Variants in TRIM67 observed in about 807,000 individuals in gnomAD.
The protein encoded by TRIM67 is tripartite motif-containing protein 67.
In TRIM67, 39 loss-of-function variants were observed where a neutral mutation model predicts 71.0. The observed-to-expected ratio is 0.55, with a 90% CI of 0.43 to 0.72. TRIM67 has a LOEUF of 0.72. TRIM67 is among the 30% of genes least tolerant of loss of function. The probability of loss-of-function intolerance (pLI) is 0.00; values close to 1 mark genes in which losing one functional copy is unlikely to be tolerated. For missense variants in TRIM67, 973 were observed against 1,079.2 expected (o/e 0.90, Z 1.38); for synonymous variants, 481 against 473.9 (o/e 1.01, Z -0.19).
At chr1:231,189,854 A>C (rs931244776) in intron 1 of TRIM67, among the ~76,000 whole-genome samples, 5 of 152,232 alleles carry the variant, frequency 3.3e-5, no homozygotes, top group African/African-American at 9.6e-5. Flanking sequence ...ACCATAGCAC[A>C]TGAAGTTGAA....
intron 7 of TRIM67, among the ~76,000 whole-genome samples, chr1:231,207,891 C>T (rs538741167): frequency 2.6e-5 from 4 of 152,236 alleles, no homozygotes; most frequent in Non-Finnish European, 2.9e-5. Context: ...GGGGGCACCA[C>T]CTGATGGGCT....
intron 7 of TRIM67, 119 bp downstream of exon 7, chr1:231,206,909 G>C (rs997626144): frequency 8.7e-7 from 1 of 1,155,402 alleles, no homozygotes; most frequent in African/African-American, 1.6e-5. Flanking sequence ...TGCTGGGCAC[G>C]GCTGGGTTCT....
chr1:231,185,354 T>G, intron 1 of TRIM67: 1 of 896,574 alleles, frequency 1.1e-6, no homozygotes, highest in South Asian at 1.8e-5. Flanking sequence ...GCTCTTGTTT[T>G]CCTCATCTGA....
intron 2 of TRIM67, among the ~76,000 whole-genome samples, chr1:231,198,258 C>G (rs1683422318): frequency 6.6e-6 from 1 of 152,202 alleles, no homozygotes; most frequent in African/African-American, 2.4e-5. Context: ...AATGAGGCAC[C>G]ATGTGTGCCT....
chr1:231,189,556 A>C (rs1683179228), intron 1 of TRIM67, among the ~76,000 whole-genome samples: 1 of 152,166 alleles, frequency 6.6e-6, no homozygotes, highest in Admixed American at 6.5e-5. Context: ...TACCATAGAC[A>C]GGGGGGTTGA....
At chr1:231,173,268 C>T (rs974755637) in intron 1 of TRIM67, among the ~76,000 whole-genome samples, 1 of 152,166 alleles carries the variant, frequency 6.6e-6, no homozygotes, top group Non-Finnish European at 1.5e-5. Context: ...TAGGCAGGGC[C>T]AGACACAGTG....
At chr1:231,173,068 A>G (rs1484562909) in intron 1 of TRIM67, among the ~76,000 whole-genome samples, 2 of 152,248 alleles carry the variant, frequency 1.3e-5, no homozygotes, top group South Asian at 2.1e-4. Context: ...GTCAATGAGG[A>G]CATCTTGAAT....
In TRIM67 at chr1:231,217,517, G is replaced by A. The variant is rs1460931361; in HGVS notation, c.*2077G>A. The stretch of plus-strand genomic sequence containing the variant: ...CATGGAGACGATCCCTAAAGATTGA[G>A]GATGAAGAGGAGCCACCACTTTCCT... On this transcript the variant is annotated 3_prime_UTR_variant, in exon 10 of 10. Transcript: ENST00000366653. 2.3e-5 allele frequency: 23 copies of A among 1,006,024 alleles called. No individual in the cohort carries two copies. The highest frequency in any genetic ancestry group is 2.7e-5 in the Non-Finnish European group (23 of 842,096). The allele number at this position is 1,006,024 out of a possible 1,614,324, so 62.3% of individuals were successfully genotyped here.
At chr1:231,191,451 C>T (rs1481600859) in intron 1 of TRIM67, among the ~76,000 whole-genome samples, 1 of 152,142 alleles carries the variant, frequency 6.6e-6, no homozygotes, top group Non-Finnish European at 1.5e-5. Context: ...CCGCTCTCCG[C>T]GGACTGGCAA....
chr1:231,188,162 TGG>T (rs1035457953), intron 1 of TRIM67, among the ~76,000 whole-genome samples: 8 of 152,120 alleles, frequency 5.3e-5, no homozygotes, highest in Non-Finnish European at 1.0e-4. Context: ...AAGGCAGTCT[TGG>T]TTGCTTCTGC....
chr1:231,219,416 C>A lies in TRIM67; in HGVS notation c.*3976C>A. 14 of 1,013,302 alleles carry A rather than the reference C, an allele frequency of 1.4e-5. No homozygotes were observed. Among genetic ancestry groups the A allele is most frequent in the Non-Finnish European group, 1.5e-5 (13 of 847,514 alleles). 62.8% of individuals were successfully genotyped at this position (1,013,302 alleles called of 1,614,324 possible). A position where few individuals can be genotyped will look rare whatever the true frequency, so the allele number is the denominator to read the frequency against. ...CTGTAGAGGGACTGTGGCGCTCCGG[C>A]TGCTTTGTTCCATAGAAAGCCTGTA... On this transcript the variant is annotated 3_prime_UTR_variant, in exon 10 of 10. Transcript: ENST00000366653.
In TRIM67 at chr1:231,162,960, C is replaced by A. The variant is rs779929803; in HGVS notation, c.-10C>A. 1.2e-6 allele frequency: 2 copies of A among 1,609,566 alleles called. No individual in the cohort carries two copies. The highest frequency in any genetic ancestry group is 1.7e-6 in the Non-Finnish European group (2 of 1,178,506). On this transcript the variant is annotated 5_prime_UTR_variant, in exon 1 of 10. Transcript: ENST00000366653. ...CCCAGCGCAGAGCAGCGCTGGCAGC[C>A]GGCGCCGCGATGGAGGAAGAGCTGA... is the stretch of plus-strand genomic sequence containing the variant.
intron 1 of TRIM67, among the ~76,000 whole-genome samples, chr1:231,172,656 A>G (rs1043578662): frequency 6.6e-6 from 1 of 152,256 alleles, no homozygotes; most frequent in Non-Finnish European, 1.5e-5. Flanking sequence ...CCTTAGTCAC[A>G]TGACATCTAA....
chr1:231,209,373 C>A lies in TRIM67; in HGVS notation c.2123+123C>A, dbSNP rs1683803337. On this transcript the variant is annotated intron_variant, in intron 8 of 9. Coordinates refer to ENST00000366653, the MANE Select transcript of TRIM67 (RefSeq NM_001004342.5). This position sits in a 1 kb window ranked among gnomAD's most constrained non-coding sequence, Gnocchi z 4.1. ...GGAATTGAGAGGAGGTATTTTCAGC[C>A]ACTTTGGTCTCCATTTTCTAGGAGG... 8.8e-7 allele frequency: 1 copy of A among 1,141,544 alleles called. No individual in the cohort carries two copies. The highest frequency in any genetic ancestry group is 1.2e-6 in the Non-Finnish European group (1 of 833,138). 70.7% of individuals were successfully genotyped at this position (1,141,544 alleles called of 1,614,324 possible).
chr1:231,197,994 T>C (rs1327229005), intron 2 of TRIM67, among the ~76,000 whole-genome samples: 1 of 152,156 alleles, frequency 6.6e-6, no homozygotes, highest in Admixed American at 6.5e-5. Flanking sequence ...ATTCAACTCA[T>C]TGGCACACAA....
intron 1 of TRIM67, chr1:231,185,326 A>T (rs778804896): frequency 1.2e-5 from 13 of 1,081,912 alleles, no homozygotes; most frequent in African/African-American, 3.2e-5. Context: ...AAAGGAAGGA[A>T]AGTCAGAAGG....
intron 1 of TRIM67, among the ~76,000 whole-genome samples, chr1:231,183,934 G>C (rs762797900): frequency 1.3e-4 from 20 of 152,102 alleles, no homozygotes; most frequent in Non-Finnish European, 2.6e-4. Context: ...GTGTGAAGAA[G>C]CAGCATATAC....
At position 231,201,441 on chromosome 1, in the gene TRIM67, G is replaced by A; in HGVS notation, c.1458G>A (p.Glu486=). ...CCCTGGAGCCGAAAGTGTCTGCGGAGTTTGATCTGACTTTGGACAGCGAGC... is the reference window on the plus strand; with the variant it reads ...CCCTGGAGCCGAAAGTGTCTGCGGAATTTGATCTGACTTTGGACAGCGAGC... ...KGALEPKVSA[E]FDLTLDSEPL... Residue 486 remains glutamate (E), a synonymous_variant, in exon 5 of 10, where the codon GAG becomes GAA. Coordinates refer to ENST00000366653, the MANE Select transcript of TRIM67 (RefSeq NM_001004342.5). The A allele has an allele frequency of 6.2e-7, 1 of 1,613,764 alleles. No individual in the cohort carries two copies. Among genetic ancestry groups the A allele is most frequent in the Non-Finnish European group, 8.5e-7 (1 of 1,179,786 alleles).
chr1:231,202,540 C>T (rs1683582786), intron 5 of TRIM67, among the ~76,000 whole-genome samples: 1 of 152,122 alleles, frequency 6.6e-6, no homozygotes, highest in Non-Finnish European at 1.5e-5. Context: ...CTGGCCAGAA[C>T]CGGAGTCCTA....
Sources: allele counts gnomAD v4.1 joint callset (sites outside exome capture counted in the v4.1 genomes callset), GRCh38; gene constraint gnomAD v4.1.1; non-coding constraint Gnocchi (gnomAD v3.1); transcripts MANE v1.5; gene names NCBI Gene and HGNC (gene_info 2026-07-23, HGNC 2026-07-21).